Variants in MSRA observed in about 807,000 individuals in gnomAD.
MSRA encodes the protein methionine sulfoxide reductase A.
MSRA carries 54 observed loss-of-function variants against 31.3 expected under a neutral mutation model. The ratio of observed to expected loss-of-function variants is 1.73; its 90% confidence interval spans 1.39 to 2.17. The LOEUF (loss-of-function observed/expected upper bound fraction) is 2.17. Among genes scored for constraint, MSRA ranks in the 30% most tolerant of loss-of-function variants. The probability of loss-of-function intolerance (pLI) is 0.00; values close to 1 mark genes in which losing one functional copy is unlikely to be tolerated. For missense variants in MSRA, 507 were observed against 300.9 expected, an observed-to-expected ratio of 1.69 and a Z score of -5.07; for synonymous variants, 169 against 116.5, an observed-to-expected ratio of 1.45 and a Z score of -2.90.
rs190180289 is a variant in MSRA, at chr8:10,108,143, C to T, written c.142+53485C>T. ...AGTGAGAGAAATATAAATTTTTTCT[C>T]CTTTACACCCCCGTTCTCAGTGGTT... On this transcript the variant is annotated intron_variant, in intron 1 of 5. Coordinates refer to ENST00000317173, the MANE Select transcript of MSRA (RefSeq NM_012331.5). Among the ~76,000 whole-genome samples the T allele has an allele frequency of 5.3e-4, 80 of 152,144 alleles. 1 individual carries two copies. The highest frequency in any genetic ancestry group is 1.3e-3 in the Admixed American group (20 of 15,292).
intron 5 of MSRA, among the ~76,000 whole-genome samples, chr8:10,374,801 G>T (rs1180843482): frequency 6.6e-6 from 1 of 152,210 alleles, no homozygotes; most frequent in Admixed American, 6.5e-5. Flanking sequence ...GACCTCCGAT[G>T]TTGGAGATGG....
At chr8:10,204,520 T>A (rs1808775384) in intron 1 of MSRA, among the ~76,000 whole-genome samples, 1 of 152,238 alleles carries the variant, frequency 6.6e-6, no homozygotes, top group Non-Finnish European at 1.5e-5. Flanking sequence ...TTGACTACAG[T>A]ATTCAGTATA....
chr8:10,118,866 G>A (rs997079247), intron 1 of MSRA, among the ~76,000 whole-genome samples: 1 of 152,192 alleles, frequency 6.6e-6, no homozygotes, highest in Non-Finnish European at 1.5e-5. Flanking sequence ...GGATACAGGG[G>A]TTCTTTGGGA....
At chr8:10,210,536 T>A (rs1809384581) in intron 2 of MSRA, among the ~76,000 whole-genome samples, 1 of 152,190 alleles carries the variant, frequency 6.6e-6, no homozygotes, top group Non-Finnish European at 1.5e-5. Flanking sequence ...GAATACTGGT[T>A]GGAGCAAGAT....
rs1324021746 is a variant in MSRA, at chr8:10,054,957, T to A, written c.142+299T>A. The stretch of plus-strand genomic sequence containing the variant: ...TGCATACCGTCGCGGCCCCAAGTTT[T>A]GGGCAGGAAATGTGCCGCTGGGGTC... On this transcript the variant is annotated intron_variant, in intron 1 of 5. Coordinates refer to ENST00000317173, the MANE Select transcript of MSRA (RefSeq NM_012331.5). Among the ~76,000 whole-genome samples, 4 of 152,306 alleles carry A rather than the reference T, an allele frequency of 2.6e-5. No individual in the cohort carries two copies. The East Asian group carries it at 7.7e-4, about 29-fold the overall frequency.
intron 5 of MSRA, among the ~76,000 whole-genome samples, chr8:10,354,278 C>T (rs6984111): frequency 0.79 from 119,479 of 152,096 alleles, 48,017 homozygotes; most frequent in East Asian, 0.96. Flanking sequence ...TACAATGCAT[C>T]TGCTACAGCC....
chr8:10,300,396 C>A (rs141773244), intron 3 of MSRA, among the ~76,000 whole-genome samples: 267 of 152,186 alleles, frequency 1.8e-3, no homozygotes, highest in African/African-American at 5.9e-3. Flanking sequence ...GCTGGGATTA[C>A]AGACACCCAC....
At chr8:10,415,393 G>T (rs549282850) in intron 5 of MSRA, among the ~76,000 whole-genome samples, 1 of 152,178 alleles carries the variant, frequency 6.6e-6, no homozygotes, top group Non-Finnish European at 1.5e-5. Flanking sequence ...AGACCTTGCT[G>T]CATGCAAGCA....
At chr8:10,302,606 C>A (rs1190170360) in intron 4 of MSRA, among the ~76,000 whole-genome samples, 1 of 152,190 alleles carries the variant, frequency 6.6e-6, no homozygotes, top group African/African-American at 2.4e-5. Context: ...GTTCTAAGAA[C>A]CATCCCATTC....
At chr8:10,340,108 C>T (rs563599913) in intron 5 of MSRA, among the ~76,000 whole-genome samples, 18 of 152,126 alleles carry the variant, frequency 1.2e-4, no homozygotes, top group African/African-American at 2.7e-4. Context: ...GGGAAAGAGA[C>T]GGCAAAGGAG....
At chr8:10,349,803 C>T (rs1037989274) in intron 5 of MSRA, among the ~76,000 whole-genome samples, 5 of 152,280 alleles carry the variant, frequency 3.3e-5, no homozygotes, top group African/African-American at 1.2e-4. Context: ...CCCTCTAGTC[C>T]TGTGTCCTTG....
chr8:10,197,939 T>G (rs969022296), intron 1 of MSRA, among the ~76,000 whole-genome samples: 2 of 152,218 alleles, frequency 1.3e-5, no homozygotes, highest in Non-Finnish European at 2.9e-5. Context: ...CTTCCTGTGA[T>G]GGAGCAGGCA....
intron 5 of MSRA, among the ~76,000 whole-genome samples, chr8:10,410,704 C>G (rs1185676686): frequency 6.6e-6 from 1 of 152,088 alleles, no homozygotes; most frequent in African/African-American, 2.4e-5. Context: ...CTGGAGAACT[C>G]CTGGAGATAT....
At chr8:10,276,138 C>T (rs1341411574) in intron 3 of MSRA, among the ~76,000 whole-genome samples, 2 of 152,148 alleles carry the variant, frequency 1.3e-5, no homozygotes, top group Admixed American at 6.5e-5. Flanking sequence ...AGGGTGACCT[C>T]CGTGGTGGTG....
intron 1 of MSRA, among the ~76,000 whole-genome samples, chr8:10,154,257 C>T (rs1412024811): frequency 3.3e-5 from 5 of 150,220 alleles, no homozygotes; most frequent in Non-Finnish European, 7.4e-5. Context: ...AAAATACTTA[C>T]AGTTCTTACC....
intron 5 of MSRA, among the ~76,000 whole-genome samples, chr8:10,324,430 G>A (rs919757938): frequency 1.3e-5 from 2 of 152,094 alleles, no homozygotes; most frequent in African/African-American, 4.8e-5. Flanking sequence ...GGACGGCCAT[G>A]GAACATGGGA....
chr8:10,414,427 T>G (rs535610779), intron 5 of MSRA, among the ~76,000 whole-genome samples: 1 of 152,350 alleles, frequency 6.6e-6, no homozygotes, highest in South Asian at 2.1e-4. Flanking sequence ...GCAGTCGGTG[T>G]GACCCACCAT....
chr8:10,055,999 T>C (rs907572954), intron 1 of MSRA, among the ~76,000 whole-genome samples: 1 of 152,028 alleles, frequency 6.6e-6, no homozygotes, highest in African/African-American at 2.4e-5. Flanking sequence ...TAAACATCTA[T>C]ACTTATATAT....
intron 1 of MSRA, among the ~76,000 whole-genome samples, chr8:10,124,056 G>C (rs1422281579): frequency 6.6e-6 from 1 of 151,976 alleles, no homozygotes; most frequent in Non-Finnish European, 1.5e-5. Flanking sequence ...TGCAGAGGTC[G>C]AGGGGCTTCT....
Sources: gnomAD v4.1 joint callset for allele counts (sites outside exome capture counted in the v4.1 genomes callset) on GRCh38, gnomAD v4.1.1 for gene constraint, MANE v1.5 for transcripts, NCBI Gene and HGNC (gene_info 2026-07-23, HGNC 2026-07-21) for gene names.